ROBO2: variants seen among roughly 807,000 people sequenced by gnomAD.
ROBO2 encodes roundabout guidance receptor 2.
A neutral mutation model predicts 160.8 loss-of-function variants in ROBO2; 53 were observed. The ratio of observed to expected loss-of-function variants is 0.33; its 90% CI spans 0.26 to 0.41. ROBO2 has a LOEUF of 0.41. Among genes scored for constraint, ROBO2 ranks in the 10% least tolerant of loss-of-function variants. The pLI is 1.00. For missense variants in ROBO2, 1,577 were observed against 1,722.4 expected (o/e 0.92, Z 1.49); for synonymous variants, 664 against 611.7 (o/e 1.09, Z -1.26).
chr3:76,317,911 T>C (rs2107842903), intron 2 of ROBO2, among the ~76,000 whole-genome samples: 1 of 152,160 alleles, frequency 6.6e-6, no homozygotes, highest in Non-Finnish European at 1.5e-5. Flanking sequence ...AGATTTGTCT[T>C]AGCTATAGAA....
intron 1 of ROBO2, among the ~76,000 whole-genome samples, chr3:77,086,124 T>C (rs980759820): frequency 1.6e-4 from 25 of 152,122 alleles, no homozygotes; most frequent in African/African-American, 5.8e-4. Context: ...TTATTAGGCA[T>C]CAACATTTGC....
intron 2 of ROBO2, among the ~76,000 whole-genome samples, chr3:76,139,845 T>G (rs1323871516): frequency 6.6e-6 from 1 of 152,078 alleles, no homozygotes; most frequent in African/African-American, 2.4e-5. Context: ...CAATCTCATA[T>G]TAGAACTAAT....
At chr3:75,916,908 T>G (rs1946835144) in intron 1 of ROBO2, among the ~76,000 whole-genome samples, 1 of 152,024 alleles carries the variant, frequency 6.6e-6, no homozygotes, top group Non-Finnish European at 1.5e-5. Flanking sequence ...ACAAAACTGA[T>G]GGGATATTAT....
intron 2 of ROBO2, among the ~76,000 whole-genome samples, chr3:76,582,444 AT>A (rs1441518848): frequency 6.6e-6 from 1 of 152,142 alleles, no homozygotes; most frequent in African/African-American, 2.4e-5. Flanking sequence ...CATGCAATGT[AT>A]TTTTTAATTG....
At chr3:77,010,206 A>G (rs1383335827) in intron 2 of ROBO2, among the ~76,000 whole-genome samples, 1 of 152,110 alleles carries the variant, frequency 6.6e-6, no homozygotes, top group Non-Finnish European at 1.5e-5. Context: ...TTTGGTGTCA[A>G]TAAAATTGAA....
At chr3:77,118,653 C>T (rs1047633561) in intron 2 of ROBO2, among the ~76,000 whole-genome samples, 3 of 152,120 alleles carry the variant, frequency 2.0e-5, no homozygotes, top group Non-Finnish European at 4.4e-5. Flanking sequence ...CTATACATGA[C>T]TTGTCAGGAG....
At chr3:76,658,534 T>A (rs1396005498) in intron 2 of ROBO2, among the ~76,000 whole-genome samples, 3 of 152,130 alleles carry the variant, frequency 2.0e-5, no homozygotes, top group Non-Finnish European at 4.4e-5. Flanking sequence ...CCCCTCCCTG[T>A]GTCCATGTGT....
intron 2 of ROBO2, among the ~76,000 whole-genome samples, chr3:76,102,429 G>A (rs1371122404): frequency 6.6e-6 from 1 of 152,124 alleles, no homozygotes; most frequent in Non-Finnish European, 1.5e-5. Context: ...AATAATACCT[G>A]TACTTGAACT....
intron 2 of ROBO2, among the ~76,000 whole-genome samples, chr3:77,226,927 C>CTGTG (rs1213491747): frequency 6.6e-6 from 1 of 152,186 alleles, no homozygotes; most frequent in Admixed American, 6.5e-5. Context: ...AAGTCGGTGA[C>CTGTG]TGTGCTCGGT....
intron 2 of ROBO2, among the ~76,000 whole-genome samples, chr3:77,354,050 GA>G (rs36101718): frequency 6.6e-6 from 1 of 152,008 alleles, no homozygotes; most frequent in Non-Finnish European, 1.5e-5. Context: ...AGGATCTTTA[GA>G]AAAAAACAGC....
intron 2 of ROBO2, among the ~76,000 whole-genome samples, chr3:77,216,551 C>A (rs1167876908): frequency 6.6e-6 from 1 of 152,206 alleles, no homozygotes; most frequent in Non-Finnish European, 1.5e-5. Context: ...CGCCCTGCTT[C>A]AGCTCATGCT....
At chr3:76,499,820 T>C (rs2080362248) in intron 2 of ROBO2, among the ~76,000 whole-genome samples, 1 of 152,144 alleles carries the variant, frequency 6.6e-6, no homozygotes, top group Non-Finnish European at 1.5e-5. Context: ...AGATCTACAA[T>C]GGAGACAATT....
At chr3:76,856,256 C>T (rs146550119) in intron 2 of ROBO2, among the ~76,000 whole-genome samples, 16 of 152,268 alleles carry the variant, frequency 1.1e-4, no homozygotes, top group South Asian at 6.2e-4. Context: ...TTACAACCTG[C>T]CTTTAGATCG....
chr3:77,547,496 T>G (rs2092742908), intron 7 of ROBO2, among the ~76,000 whole-genome samples: 2 of 152,106 alleles, frequency 1.3e-5, no homozygotes, highest in African/African-American at 4.8e-5. Flanking sequence ...TAAGTTGCAT[T>G]AGAAGACTCT....
intron 4 of ROBO2, 115 bp from the exon 5 acceptor site, chr3:77,493,129 G>A: frequency 1.0e-6 from 1 of 1,002,280 alleles, no homozygotes; most frequent in Non-Finnish European, 1.6e-6. Context: ...GAGGTACAGA[G>A]TTAGGTACCT....
intron 2 of ROBO2, among the ~76,000 whole-genome samples, chr3:77,228,740 A>AG (rs1422542848): frequency 7.1e-6 from 1 of 140,832 alleles, no homozygotes; most frequent in African/African-American, 2.6e-5. Flanking sequence ...GTATAATAAT[A>AG]AAAAAAAAAC....
At chr3:76,390,785 T>C (rs1168212914) in intron 2 of ROBO2, among the ~76,000 whole-genome samples, 8 of 152,166 alleles carry the variant, frequency 5.3e-5, no homozygotes, top group Admixed American at 5.2e-4. Flanking sequence ...TCCTTGTGTT[T>C]CAACCTATTC....
chr3:76,568,640 T>G (rs2084763057), intron 2 of ROBO2, among the ~76,000 whole-genome samples: 1 of 152,136 alleles, frequency 6.6e-6, no homozygotes, highest in Non-Finnish European at 1.5e-5. Flanking sequence ...TTTATTTCAT[T>G]AAGAGAAATT....
At chr3:76,546,540 G>A (rs968645875) in intron 2 of ROBO2, among the ~76,000 whole-genome samples, 7 of 151,898 alleles carry the variant, frequency 4.6e-5, no homozygotes, top group Non-Finnish European at 1.0e-4. Context: ...GATCCTTAGG[G>A]AAGAAGAGGA....
Sources: allele counts gnomAD v4.1 joint callset (sites outside exome capture counted in the v4.1 genomes callset), GRCh38; gene constraint gnomAD v4.1.1; transcripts MANE v1.5; gene names NCBI Gene and HGNC (gene_info 2026-07-23, HGNC 2026-07-21).